HCFC1: variants seen among roughly 807,000 people sequenced by gnomAD.
HCFC1 encodes the protein host cell factor C1, also known as host cell factor 1.
HCFC1 carries 7 observed loss-of-function variants against 105.5 expected under a neutral mutation model. The observed-to-expected ratio is 0.07, with a 90% confidence interval of 0.04 to 0.12. HCFC1 has a LOEUF of 0.12. HCFC1 is among the 10% of genes least tolerant of loss of function. HCFC1 has a pLI of 1.00. For missense variants in HCFC1, 1,065 were observed against 1,823.6 expected (o/e 0.58, Z 7.58); for synonymous variants, 918 against 828.1 (o/e 1.11, Z -1.86).
chrX:153,965,375 G>A (rs1448455921), intron 1 of HCFC1, among the ~76,000 whole-genome samples: 2 of 58,685 alleles, frequency 3.4e-5, no homozygotes, highest in South Asian at 6.9e-4. Context: ...AAGCTCATGA[G>A]GGTGAGGCGA....
Position 153,952,907 on chromosome X carries a change from G to A in HCFC1, c.4549C>T (p.Arg1517Trp), listed in dbSNP as rs1557113069. ...SPGPRQQLPP[R>W]QLLQSASTAL... ...GTGGAAGCCGACTGCAGAAGCTGCC[G>A]TGGCGGCAGCTGCTGGCGAGGACCT... The change falls in exon 19 of 26, where the codon CGG becomes TGG. Residue 1517 changes from arginine to tryptophan, a missense_variant. By Grantham distance (101) the Arg-to-Trp change is moderately radical (BLOSUM62 -3). Transcript: ENST00000310441. 4.2e-6 allele frequency: 5 copies of A among 1,181,006 alleles called. No homozygotes were observed. The highest frequency in any genetic ancestry group is 5.7e-6 in the Non-Finnish European group (5 of 880,911).
rs781995923 is a variant in HCFC1, at chrX:153,958,555, C to T, written c.1803+14G>A. 5.1e-6 allele frequency: 6 copies of T among 1,178,076 alleles called. No individual in the cohort carries two copies. Among genetic ancestry groups the T allele is most frequent in the Non-Finnish European group, 5.7e-6 (5 of 874,007 alleles). ...CTTGTTTGACCACAGTGACAAGCCC[C>T]GGAAGACGCTCACCATGACTGGCGA... On this transcript the variant is annotated intron_variant, in intron 10 of 25. Transcript: ENST00000310441.
chrX:153,954,526 G>T lies in HCFC1; in HGVS notation c.3873C>A (p.Asn1291Lys), dbSNP rs782697656. 4.7e-5 allele frequency: 57 copies of T among 1,210,404 alleles called. No individual in the cohort carries two copies. The highest frequency in any genetic ancestry group is 1.0e-5 in the Non-Finnish European group (9 of 894,984). ...CTGTCTCGTGGGTCTCACATGGTGG[G>T]TTGGAGCAGACTTGGGTCACGGTGG... ...PSATVTQVCS[N>K]PPCETHETGT... The change falls in exon 17 of 26, where the codon AAC (asparagine) becomes AAA (lysine). Residue 1291 changes from asparagine (N) to lysine (K), a missense_variant. Physicochemically the swap from Asn to Lys is moderately conservative, Grantham distance 94. Coordinates refer to ENST00000310441, the MANE Select transcript of HCFC1 (RefSeq NM_005334.3).
At position 153,952,709 on chromosome X, in the gene HCFC1, C is replaced by G; in HGVS notation, c.4747G>C (p.Asp1583His). The change falls in exon 19 of 26, where the codon GAC becomes CAC. Residue 1583 changes from aspartate to histidine, a missense_variant. Asp to His is a moderately conservative substitution (Grantham distance 81, BLOSUM62 -1). Around this residue, in one of 17 missense-constraint regions of HCFC1, gnomAD observed 546 missense variants for 599.9 expected, o/e 0.91. Coordinates refer to ENST00000310441, the MANE Select transcript of HCFC1 (RefSeq NM_005334.3). The stretch of plus-strand genomic sequence containing the variant: ...AGCTCTTGGGGAAGTGATAACTGGT[C>G]TACTTCGGACTGTGTGGGTGGGGGT... Reference protein sequence around the residue: ...QPPPPTQSEVDQLSLPQELMA... With the variant: ...QPPPPTQSEVHQLSLPQELMA... 1 of 1,208,220 alleles carries G rather than the reference C, an allele frequency of 8.3e-7. No homozygotes were observed. The highest frequency in any genetic ancestry group is 1.1e-6 in the Non-Finnish European group (1 of 893,213).
Position 153,959,453 on chromosome X carries a change from T to G in HCFC1, c.1483A>C (p.Thr495Pro). Residue 495 changes from threonine to proline, a missense_variant, in exon 9 of 26, where the codon ACA (threonine) becomes CCA (proline). Physicochemically the swap from Thr to Pro is conservative, Grantham distance 38. Coordinates refer to ENST00000310441, the MANE Select transcript of HCFC1 (RefSeq NM_005334.3). The part of the protein sequence containing the change: ...AVLKVTGPQA[T>P]TGTPLVTMRP... ...ATGGTGACCAATGGAGTTCCTGTTGTAGCCTGAGGACCGGTCACTTTGAGA... is the reference window on the plus strand; with the variant it reads ...ATGGTGACCAATGGAGTTCCTGTTGGAGCCTGAGGACCGGTCACTTTGAGA... 2 of 1,211,471 alleles carry G rather than the reference T, an allele frequency of 1.7e-6. No individual in the cohort carries two copies. Among genetic ancestry groups the G allele is most frequent in the Non-Finnish European group, 2.2e-6 (2 of 895,308 alleles).
chrX:153,965,196 T>C (rs142442147), intron 1 of HCFC1, among the ~76,000 whole-genome samples: 1,677 of 111,123 alleles, frequency 0.015, 32 homozygotes, highest in African/African-American at 0.052. Flanking sequence ...CGAAGAGCCA[T>C]GGGGATGAGA....
rs181164788 is a variant in HCFC1, at chrX:153,948,704, C to T, written c.*643G>A. 6 of 112,586 alleles carry T rather than the reference C, an allele frequency of 5.3e-5. No homozygotes were observed. Among genetic ancestry groups the T allele is most frequent in the African/African-American group, 9.7e-5 (3 of 30,985 alleles). The allele number at this position is 112,586 out of a possible 1,213,427, so 9.3% of individuals were successfully genotyped here. On this transcript the variant is annotated 3_prime_UTR_variant, in exon 26 of 26. Coordinates refer to ENST00000310441, the MANE Select transcript of HCFC1 (RefSeq NM_005334.3). ...TCTGCACAGGCGCTGCCCAGGCCGCCGCGGGGCTCCTTGCCCCTTTTTTCT... is the reference window on the plus strand; with the variant it reads ...TCTGCACAGGCGCTGCCCAGGCCGCTGCGGGGCTCCTTGCCCCTTTTTTCT...
chrX:153,964,875 G>T, intron 1 of HCFC1, 149 bp from the exon 2 acceptor site: 1 of 515,430 alleles, frequency 1.9e-6, no homozygotes, highest in Non-Finnish European at 2.9e-6. Flanking sequence ...CGCTACCTGG[G>T]CCATCTTCCA....
chrX:153,954,335 C>T lies in HCFC1; in HGVS notation c.4064G>A (p.Arg1355His), dbSNP rs1455560292. Residue 1355 changes from arginine to histidine, a missense_variant, in exon 17 of 26, where the codon CGC becomes CAC. Physicochemically the swap from Arg to His is conservative, Grantham distance 29. Transcript: ENST00000310441. ...AGTGGTCTGGTGTGTCTCACAGGGG[C>T]GACCAGCAGGGGGCTGCTGCCCACC... ...PEGGQQPPAG[R>H]PCETHQTTST... 14 of 1,198,751 alleles carry T rather than the reference C, an allele frequency of 1.2e-5. No individual in the cohort carries two copies. Among genetic ancestry groups the T allele is most frequent in the East Asian group, 8.9e-5 (3 of 33,586 alleles).
At chrX:153,958,003 C>T in intron 11 of HCFC1, 22 bp downstream of exon 11, 17 of 1,189,754 alleles carry the variant, frequency 1.4e-5, no homozygotes, top group Non-Finnish European at 1.8e-5. Flanking sequence ...GTGGCCGTAG[C>T]CTGGCAGCAC....
At chrX:153,970,430 GGGAGGGGGA>G (rs1169538806) in intron 1 of HCFC1, among the ~76,000 whole-genome samples, 1 of 99,400 alleles carries the variant, frequency 1.0e-5, no homozygotes, top group Non-Finnish European at 2.1e-5. Context: ...TCAGTGGGGA[GGGAGGGGGA>G]GGAGGGGAGA....
At chrX:153,958,426 A>G (rs782734769) in intron 10 of HCFC1, 143 bp downstream of exon 10, 5 of 682,014 alleles carry the variant, frequency 7.3e-6, no homozygotes, top group Non-Finnish European at 1.1e-5. Flanking sequence ...GAGGAGGCTG[A>G]GCCTGCAGCT....
intron 23 of HCFC1, 80 bp from the exon 24 acceptor site, chrX:153,950,623 T>C (rs1238203595): frequency 3.1e-6 from 3 of 959,345 alleles, no homozygotes; most frequent in Non-Finnish European, 4.3e-6. Context: ...CCATAAGCCA[T>C]TTTCTAACAC....
chrX:153,956,793 G>A (rs782717146), intron 14 of HCFC1, 30 bp from the exon 15 acceptor site: 7 of 1,207,812 alleles, frequency 5.8e-6, no homozygotes, highest in East Asian at 3.0e-5. Flanking sequence ...TGCCACCAAC[G>A]TCACCACCAG....
rs1432846339 is a variant in HCFC1 at position 153,970,867 on chromosome X, G to C, written c.-27C>G. On this transcript the variant is annotated 5_prime_UTR_variant, in exon 1 of 26. Transcript: ENST00000310441. ...GTTCCGGGAAAGGGTGCGGTGGGGA[G>C]AAGTCAACAAGCGGGAAGGGAGCCC... is the stretch of plus-strand genomic sequence containing the variant. The C allele has an allele frequency of 2.7e-6, 3 of 1,119,167 alleles. No individual in the cohort carries two copies. Among genetic ancestry groups the C allele is most frequent in the Admixed American group, 6.8e-5 (2 of 29,275 alleles). The allele number at this position is 1,119,167 out of a possible 1,213,427, so 92.2% of individuals were successfully genotyped here.
At position 153,958,562 on chromosome X, in the gene HCFC1, C is replaced by T. The variant is rs782241441; in HGVS notation, c.1803+7G>A. On this transcript the variant is annotated splice_region_variant and intron_variant, in intron 10 of 25. Transcript: ENST00000310441. ...GACCACAGTGACAAGCCCCGGAAGA[C>T]GCTCACCATGACTGGCGAGGAGGCC... 30 of 1,182,000 alleles carry T rather than the reference C, an allele frequency of 2.5e-5. No homozygotes were observed. The Admixed American group carries it at 5.5e-4, about 22-fold the overall frequency.
At chrX:153,968,940 A>G (rs1252327836) in intron 1 of HCFC1, among the ~76,000 whole-genome samples, 1 of 111,202 alleles carries the variant, frequency 9.0e-6, no homozygotes, top group Non-Finnish European at 1.9e-5. Context: ...GGCGCGGGGC[A>G]CCACCAACCA....
Position 153,955,065 on chromosome X carries a change from G to A in HCFC1, c.3334C>T (p.His1112Tyr). Reference sequence around the variant, plus strand: ...GCAGTGTTGGTGGTGCCCGTCTCGTGGGTCTCGCAGGGTGGGTTTGAGCAG... The same window carrying A: ...GCAGTGTTGGTGGTGCCCGTCTCGTAGGTCTCGCAGGGTGGGTTTGAGCAG... The part of the protein sequence containing the change: ...HGCSNPPCET[H>Y]ETGTTNTATT... Residue 1112 changes from histidine (H) to tyrosine (Y), a missense_variant, in exon 17 of 26, where the codon CAC becomes TAC. His to Tyr is a moderately conservative substitution (Grantham distance 83). Around this residue, in one of 17 missense-constraint regions of HCFC1, gnomAD observed 546 missense variants for 599.9 expected, o/e 0.91. Coordinates refer to ENST00000310441, the MANE Select transcript of HCFC1 (RefSeq NM_005334.3). 1 of 1,211,198 alleles carries A rather than the reference G, an allele frequency of 8.3e-7. No individual in the cohort carries two copies.
In HCFC1 at chrX:153,956,603, G is replaced by A. The variant is rs3027887; in HGVS notation, c.2635+22C>T. Reference sequence around the variant, plus strand: ...TCGTTATAATCTAGGGGTGGCAGGGGACCTGGCCTATGGGTACACACCTGT... The same window carrying A: ...TCGTTATAATCTAGGGGTGGCAGGGAACCTGGCCTATGGGTACACACCTGT... On this transcript the variant is annotated intron_variant, in intron 15 of 25. Coordinates refer to ENST00000310441, the MANE Select transcript of HCFC1 (RefSeq NM_005334.3). 11,678 of 1,208,766 alleles carry A rather than the reference G, an allele frequency of 9.7e-3. 319 individuals are homozygous for A. In the African/African-American group the frequency reaches 0.12, roughly 12 times the overall value.
Sources: allele counts gnomAD v4.1 joint callset (sites outside exome capture counted in the v4.1 genomes callset), GRCh38; gene constraint gnomAD v4.1.1; regional missense constraint gnomAD v4.1.1; transcripts MANE v1.5; gene names NCBI Gene and HGNC (gene_info 2026-07-23, HGNC 2026-07-21).